HEXA: variants seen among roughly 807,000 people sequenced by gnomAD.
The protein encoded by HEXA is hexosaminidase subunit alpha, also known as beta-hexosaminidase subunit alpha.
Under a neutral mutation model 73.3 loss-of-function variants are expected in HEXA, and 54 were observed. The ratio of observed to expected loss-of-function variants is 0.74; its 90% CI spans 0.59 to 0.92. The LOEUF (loss-of-function observed/expected upper bound fraction) is 0.92, where lower values mean the gene tolerates loss of function less well. Among genes scored for constraint, HEXA ranks in the 40% least tolerant of loss-of-function variants. The pLI is 0.00. For missense variants in HEXA, 649 were observed against 653.0 expected, an observed-to-expected ratio of 0.99 and a Z score of 0.07; for synonymous variants, 230 against 246.9, an observed-to-expected ratio of 0.93 and a Z score of 0.64.
At chr15:72,345,393 C>T (rs2088596872) in intron 13 of HEXA, 53 bp downstream of exon 13, 1 of 1,611,438 alleles carries the variant, frequency 6.2e-7, no homozygotes, top group Non-Finnish European at 8.5e-7. Context: ...AAGGGGTTCC[C>T]CAGCCCTGGA....
At chr15:72,375,635 T>TTAAAAA in intron 1 of HEXA, 85 bp downstream of exon 1, 1 of 1,504,058 alleles carries the variant, frequency 6.6e-7, no homozygotes, top group Admixed American at 1.8e-5. Flanking sequence ...CAAAAGCCCA[T>TTAAAAA]AGGGCGTCTC....
intron 1 of HEXA, chr15:72,362,540 ATAGCAAGTAGT>A (rs2088864758): frequency 2.2e-6 from 1 of 453,864 alleles, no homozygotes; most frequent in African/African-American, 2.0e-5. Flanking sequence ...TCAGGCATAA[ATAGCAAGTAGT>A]TAATGTAGAG....
rs1372088717 is a variant in HEXA, at chr15:72,367,462, C to T, written c.253+8258G>A. Reference sequence around the variant, plus strand: ...TTTTCTCTGTCCTTACAGCCATCAACCCAACTTCAGCCACTACTCTCTCTT... The same window carrying T: ...TTTTCTCTGTCCTTACAGCCATCAATCCAACTTCAGCCACTACTCTCTCTT... On this transcript the variant is annotated intron_variant, in intron 1 of 13. Transcript: ENST00000268097. Among the ~76,000 whole-genome samples, 7 of 152,322 alleles carry T rather than the reference C, an allele frequency of 4.6e-5. No individual in the cohort carries two copies. In the East Asian group the frequency reaches 1.4e-3, roughly 29 times the overall value.
At chr15:72,356,459 C>G in intron 2 of HEXA, 66 bp downstream of exon 2, 1 of 1,577,580 alleles carries the variant, frequency 6.3e-7, no homozygotes, top group Non-Finnish European at 8.7e-7. Context: ...TTAGGCCAGG[C>G]CATCCAGAGT....
intron 5 of HEXA, 182 bp from the exon 6 acceptor site, chr15:72,351,416 G>C: frequency 1.5e-6 from 1 of 666,124 alleles, no homozygotes; most frequent in South Asian, 1.6e-5. Flanking sequence ...ATGGCATGGA[G>C]GGAAGGCCCA....
intron 1 of HEXA, chr15:72,360,120 T>C (rs1001229753): frequency 6.5e-6 from 1 of 153,112 alleles, no homozygotes. Context: ...CTGTCTCTTT[T>C]CTTCTGTCAC....
At chr15:72,345,916 G>C in intron 12 of HEXA, 1 of 530,036 alleles carries the variant, frequency 1.9e-6, no homozygotes, top group Non-Finnish European at 3.4e-6. Context: ...GCAGAGGGAA[G>C]CCTTATTACA....
At chr15:72,371,883 C>T (rs2088999012) in intron 1 of HEXA, among the ~76,000 whole-genome samples, 3 of 152,122 alleles carry the variant, frequency 2.0e-5, no homozygotes, top group Admixed American at 2.0e-4. Flanking sequence ...ATCTTACTTC[C>T]ATTCCAGAAT....
At chr15:72,360,171 T>C (rs1160961581) in intron 1 of HEXA, 1 of 153,242 alleles carries the variant, frequency 6.5e-6, no homozygotes, top group Non-Finnish European at 1.5e-5. Flanking sequence ...CAATCTAACA[T>C]CTGCCTGCTG....
At chr15:72,367,009 T>A in intron 1 of HEXA, among the ~76,000 whole-genome samples, 2 of 152,086 alleles carry the variant, frequency 1.3e-5, no homozygotes, top group Middle Eastern at 6.8e-3. Context: ...AGTGGCGCAC[T>A]CTCGGCTCAC....
intron 1 of HEXA, chr15:72,370,483 G>C (rs1168015305): frequency 2.5e-6 from 1 of 394,246 alleles, no homozygotes; most frequent in Non-Finnish European, 4.5e-6. Flanking sequence ...TTGAAGCCAG[G>C]GGTTCAAGAC....
intron 5 of HEXA, among the ~76,000 whole-genome samples, chr15:72,352,362 C>T (rs1345061144): frequency 6.6e-6 from 1 of 150,450 alleles, no homozygotes; most frequent in African/African-American, 2.5e-5. Context: ...ACCACTCTGG[C>T]AGGCCAAGGT....
Position 72,346,257 on chromosome 15 carries a change from T to C in HEXA, c.1399A>G (p.Thr467Ala), listed in dbSNP as rs765590079. 25 of 1,613,796 alleles carry C rather than the reference T, an allele frequency of 1.5e-5. No homozygotes were observed. Among genetic ancestry groups the C allele is most frequent in the Non-Finnish European group, 2.0e-5 (24 of 1,179,880 alleles). ...ACMWGEYVDN[T>A]NLVPRLWPRA... is the part of the protein sequence containing the mutation. ...TACCAGAGCCTGGGGACCAGGTTTG[T>C]GTTGTCCACATATTCTCCCCACATA... The change falls in exon 12 of 14, where the codon ACA becomes GCA. Residue 467 changes from threonine to alanine, a missense_variant. Transcript: ENST00000268097.
intron 1 of HEXA, among the ~76,000 whole-genome samples, chr15:72,369,154 A>G (rs901891942): frequency 4.6e-5 from 7 of 152,252 alleles, no homozygotes; most frequent in Non-Finnish European, 7.3e-5. Flanking sequence ...AGCAAATGCC[A>G]CAGCTTGAAA....
At chr15:72,357,393 T>C (rs899815214) in intron 1 of HEXA, 3 of 154,266 alleles carry the variant, frequency 1.9e-5, no homozygotes, top group African/African-American at 7.2e-5. Context: ...TTTACCCTAA[T>C]AGTGGAGGGT....
intron 5 of HEXA, among the ~76,000 whole-genome samples, chr15:72,352,804 C>T (rs1264932908): frequency 6.6e-6 from 1 of 152,140 alleles, no homozygotes; most frequent in Non-Finnish European, 1.5e-5. Flanking sequence ...GCTGGGATTA[C>T]AAGCATGCAC....
At chr15:72,348,274 T>C in intron 8 of HEXA, 140 bp from the exon 9 acceptor site, 1 of 704,578 alleles carries the variant, frequency 1.4e-6, no homozygotes, top group Non-Finnish European at 2.5e-6. Context: ...GCCCTACATG[T>C]GGAAAGTGTG....
intron 1 of HEXA, among the ~76,000 whole-genome samples, chr15:72,364,818 AT>A (rs762688276): frequency 0.014 from 1,855 of 133,100 alleles, 21 homozygotes; most frequent in African/African-American, 0.041. Context: ...TTTTAATTTA[AT>A]TTTTTTTTTT....
At chr15:72,370,784 C>T (rs1471586718) in intron 1 of HEXA, 2 of 394,860 alleles carry the variant, frequency 5.1e-6, no homozygotes, top group East Asian at 7.2e-5. Context: ...CTAATCTAGG[C>T]CCTGGGATTC....
Sources: allele counts gnomAD v4.1 joint callset (sites outside exome capture counted in the v4.1 genomes callset), GRCh38; gene constraint gnomAD v4.1.1; transcripts MANE v1.5; gene names NCBI Gene and HGNC (gene_info 2026-07-23, HGNC 2026-07-21).